The following PTPRD variants were observed in gnomAD, a reference collection of about 807,000 sequenced individuals.
The protein encoded by PTPRD is receptor-type tyrosine-protein phosphatase delta.
In PTPRD, 34 loss-of-function variants were observed where a neutral mutation model predicts 214.5. That is an observed-to-expected ratio of 0.16 (90% CI 0.12 to 0.21). The LOEUF (loss-of-function observed/expected upper bound fraction) is 0.21. Among genes scored for constraint, PTPRD ranks in the 10% least tolerant of loss-of-function variants. The pLI, the probability that PTPRD is intolerant of heterozygous loss-of-function variation, is 1.00. For missense variants in PTPRD, 2,545 were observed against 2,398.7 expected (o/e 1.06, Z -1.27); for synonymous variants, 1,128 against 845.7 (o/e 1.33, Z -5.79).
At chr9:9,974,028 T>G (rs926663750) in intron 4 of PTPRD, among the ~76,000 whole-genome samples, 3 of 152,202 alleles carry the variant, frequency 2.0e-5, no homozygotes, top group Non-Finnish European at 2.9e-5. Flanking sequence ...TTAGAAATTG[T>G]GACTCCTGAG....
At chr9:9,564,587 CT>C (rs1267024603) in intron 8 of PTPRD, among the ~76,000 whole-genome samples, 3 of 151,932 alleles carry the variant, frequency 2.0e-5, no homozygotes, top group Admixed American at 6.6e-5. Context: ...TTGGAGCTTT[CT>C]TTTTTTAAAC....
At chr9:8,819,600 G>A (rs529144970) in intron 11 of PTPRD, among the ~76,000 whole-genome samples, 2 of 152,156 alleles carry the variant, frequency 1.3e-5, no homozygotes, top group African/African-American at 4.8e-5. Context: ...GGCAGAGGTT[G>A]CAGTGAGCCA....
At chr9:8,612,250 C>T (rs1009832056) in intron 14 of PTPRD, among the ~76,000 whole-genome samples, 4 of 152,292 alleles carry the variant, frequency 2.6e-5, no homozygotes, top group Middle Eastern at 3.4e-3. Context: ...CTCCTTTACA[C>T]GATTCATCCA....
intron 9 of PTPRD, among the ~76,000 whole-genome samples, chr9:9,187,002 T>C (rs113687677): frequency 0.014 from 2,158 of 151,706 alleles, 57 homozygotes; most frequent in African/African-American, 0.05. Flanking sequence ...ATATAAAATA[T>C]AATAATTAAA....
chr9:9,914,875 C>A (rs1397804537), intron 5 of PTPRD, among the ~76,000 whole-genome samples: 1 of 152,142 alleles, frequency 6.6e-6, no homozygotes, highest in Non-Finnish European at 1.5e-5. Flanking sequence ...AACAGACCCA[C>A]AGGCTGCCCT....
chr9:9,813,555 A>G (rs1028612337), intron 5 of PTPRD, among the ~76,000 whole-genome samples: 1 of 152,108 alleles, frequency 6.6e-6, no homozygotes, highest in Non-Finnish European at 1.5e-5. Flanking sequence ...ATAGCCTACT[A>G]GAACTGAGTA....
intron 8 of PTPRD, among the ~76,000 whole-genome samples, chr9:9,550,867 C>T (rs2080043369): frequency 6.6e-6 from 1 of 151,768 alleles, no homozygotes; most frequent in African/African-American, 2.4e-5. Flanking sequence ...CATTAGCCAT[C>T]AATGTAAATT....
intron 8 of PTPRD, among the ~76,000 whole-genome samples, chr9:9,568,227 A>C (rs2085208053): frequency 6.6e-6 from 1 of 151,922 alleles, no homozygotes; most frequent in South Asian, 2.1e-4. Flanking sequence ...ACATAATTAG[A>C]ATAATTAAAT....
chr9:8,986,469 T>C (rs189504370), intron 11 of PTPRD, among the ~76,000 whole-genome samples: 1 of 151,872 alleles, frequency 6.6e-6, no homozygotes, highest in African/African-American at 2.4e-5. Context: ...TGTCATATTT[T>C]TTTCTTATTT....
At chr9:8,464,716 T>TG (rs1565017311) in intron 32 of PTPRD, among the ~76,000 whole-genome samples, 1 of 5,228 alleles carries the variant, frequency 1.9e-4, no homozygotes. Context: ...ATCTCTCCCC[T>TG]TTTTTTTTTT....
intron 5 of PTPRD, among the ~76,000 whole-genome samples, chr9:9,934,508 C>A (rs1292424089): frequency 4.0e-5 from 6 of 150,046 alleles, no homozygotes; most frequent in Non-Finnish European, 8.9e-5. Context: ...CACATACACT[C>A]TCCCAAGACT....
chr9:8,341,184 T>G lies in PTPRD; in HGVS notation c.5032A>C (p.Ile1678Leu), dbSNP rs747517194. ...CNKFKNRLVN[I>L]MPYESTRVCL... is the part of the protein sequence containing the mutation. ...ACCCTTGTGGATTCATATGGCATAA[T>G]ATTAACAAGGCGATTTTTGAATTTA... Residue 1678 changes from isoleucine (I) to leucine (L), a missense_variant, in exon 41 of 46, where the codon ATT becomes CTT. Transcript: ENST00000381196. The G allele has an allele frequency of 1.9e-6, 3 of 1,612,932 alleles. No individual in the cohort carries two copies. Among genetic ancestry groups the G allele is most frequent in the African/African-American group, 2.7e-5 (2 of 74,756 alleles).
intron 14 of PTPRD, among the ~76,000 whole-genome samples, chr9:8,624,500 G>T (rs2095944578): frequency 6.6e-6 from 1 of 151,776 alleles, no homozygotes; most frequent in African/African-American, 2.4e-5. Context: ...CTAGATGCTG[G>T]GGATTCAGTA....
intron 8 of PTPRD, among the ~76,000 whole-genome samples, chr9:9,426,123 G>C (rs2142927951): frequency 6.6e-6 from 1 of 152,300 alleles, no homozygotes; most frequent in Admixed American, 6.5e-5. Flanking sequence ...GCCTCACCCG[G>C]GAAGCACAAG....
chr9:8,756,422 T>C (rs997735988), intron 11 of PTPRD, among the ~76,000 whole-genome samples: 1 of 152,194 alleles, frequency 6.6e-6, no homozygotes, highest in Non-Finnish European at 1.5e-5. Flanking sequence ...ATGCATGGAA[T>C]AATCTTATTT....
At chr9:10,510,177 A>G (rs149792808) in intron 2 of PTPRD, among the ~76,000 whole-genome samples, 7 of 152,226 alleles carry the variant, frequency 4.6e-5, no homozygotes, top group African/African-American at 1.7e-4. Context: ...TCAATTTGCC[A>G]AAGTTGCTTA....
chr9:8,595,195 A>G (rs935377481), intron 14 of PTPRD, among the ~76,000 whole-genome samples: 5 of 150,774 alleles, frequency 3.3e-5, no homozygotes, highest in African/African-American at 9.8e-5. Flanking sequence ...TTTTATGGCA[A>G]ATTAAATAAA....
At chr9:10,589,112 G>A (rs1351774590) in intron 2 of PTPRD, among the ~76,000 whole-genome samples, 1 of 152,030 alleles carries the variant, frequency 6.6e-6, no homozygotes, top group Admixed American at 6.6e-5. Flanking sequence ...CAGGCTTTTA[G>A]CTGTAGGTAA....
chr9:9,535,592 T>A (rs2076348837), intron 8 of PTPRD, among the ~76,000 whole-genome samples: 2 of 152,124 alleles, frequency 1.3e-5, no homozygotes, highest in Admixed American at 6.6e-5. Context: ...GCAGCCAATG[T>A]GGTGAAAATA....
Sources: allele counts gnomAD v4.1 joint callset (sites outside exome capture counted in the v4.1 genomes callset), GRCh38; gene constraint gnomAD v4.1.1; transcripts MANE v1.5; gene names NCBI Gene and HGNC (gene_info 2026-07-23, HGNC 2026-07-21).